TPCN1: variants seen among roughly 807,000 people sequenced by gnomAD.
TPCN1 encodes the protein two pore segment channel 1, also known as two pore channel protein 1.
Under a neutral mutation model 108.8 loss-of-function variants are expected in TPCN1, and 52 were observed. That is an observed-to-expected ratio of 0.48 (90% CI 0.38 to 0.60). TPCN1 has a LOEUF of 0.60. TPCN1 is among the 20% of genes least tolerant of loss of function. The probability of loss-of-function intolerance (pLI) is 0.00; values close to 1 mark genes in which losing one functional copy is unlikely to be tolerated. For synonymous variants in TPCN1, 446 were observed against 433.7 expected, an observed-to-expected ratio of 1.03 and a Z score of -0.35; for missense variants, 806 against 1,072.8, an observed-to-expected ratio of 0.75 and a Z score of 3.47.
Position 113,266,165 on chromosome 12 carries a change from C to T in TPCN1, c.238-15C>T. On this transcript the variant is annotated splice_polypyrimidine_tract_variant and intron_variant, in intron 3 of 27. Transcript: ENST00000335509. The surrounding 1 kb of genome is among the most constrained non-coding windows in gnomAD (Gnocchi z 4.2). Reference sequence around the variant, plus strand: ...TCTCCAGGCTTACATGCCCACACTACTCTCATCTTTTCAGGAAGGCGAGAA... The same window carrying T: ...TCTCCAGGCTTACATGCCCACACTATTCTCATCTTTTCAGGAAGGCGAGAA... 6.2e-7 allele frequency: 1 copy of T among 1,613,646 alleles called. No homozygotes were observed. The highest frequency in any genetic ancestry group is 2.2e-5 in the East Asian group (1 of 44,874).
At position 113,287,031 on chromosome 12, in the gene TPCN1, C is replaced by A. The variant is rs745551616; in HGVS notation, c.1571C>A (p.Ala524Glu). Residue 524 changes from alanine to glutamate, a missense_variant, in exon 19 of 28, where the codon GCG becomes GAG. By Grantham distance (107) the Ala-to-Glu change is moderately radical. Coordinates refer to ENST00000335509, the MANE Select transcript of TPCN1 (RefSeq NM_017901.6). ...GTGTTCGCCTTCCTGGGACTGCTGG[C>A]GCTGGCCCTCAACATGGAGCCCTTC... ...VTVFAFLGLL[A>E]LALNMEPFYF... The A allele has an allele frequency of 1.9e-6, 3 of 1,613,752 alleles. No individual in the cohort carries two copies. The African/African-American group carries it at 4.0e-5, about 22-fold the overall frequency.
At chr12:113,222,179 T>G (rs1953262701) in intron 1 of TPCN1, among the ~76,000 whole-genome samples, 1 of 152,306 alleles carries the variant, frequency 6.6e-6, no homozygotes, top group East Asian at 1.9e-4. Context: ...TCTCTGGGCC[T>G]CATTTTTGTC....
intron 2 of TPCN1, chr12:113,244,351 C>G: frequency 1.0e-6 from 1 of 985,472 alleles, no homozygotes; most frequent in Non-Finnish European, 1.2e-6. Context: ...CCAGTTCTTG[C>G]CTTTCTGAAG....
chr12:113,292,746 C>A, intron 25 of TPCN1, 188 bp from the exon 26 acceptor site: 1 of 634,186 alleles, frequency 1.6e-6, no homozygotes, highest in Non-Finnish European at 2.6e-6. Context: ...GACCTGCGCT[C>A]CTGACATCAC....
chr12:113,280,343 C>T, intron 15 of TPCN1, 148 bp downstream of exon 15: 2 of 580,104 alleles, frequency 3.4e-6, no homozygotes, highest in South Asian at 5.3e-5. Context: ...GTGAAGAGAA[C>T]ATTACCACAC....
chr12:113,283,299 C>T (rs868804386), intron 15 of TPCN1, among the ~76,000 whole-genome samples: 2 of 152,102 alleles, frequency 1.3e-5, no homozygotes, highest in African/African-American at 4.8e-5. Context: ...TTTTCTGCCA[C>T]CTGGCTTTTT....
chr12:113,247,619 G>A (rs761204711), intron 2 of TPCN1, among the ~76,000 whole-genome samples: 11 of 152,240 alleles, frequency 7.2e-5, no homozygotes, highest in Non-Finnish European at 1.2e-4. Context: ...CCGTGCCCTC[G>A]TCTTGGCTGG....
At chr12:113,245,189 A>G (rs1324066884) in intron 2 of TPCN1, among the ~76,000 whole-genome samples, 1 of 151,954 alleles carries the variant, frequency 6.6e-6, no homozygotes, top group Non-Finnish European at 1.5e-5. Flanking sequence ...GGATTGCTTG[A>G]ACCCAGGAGA....
chr12:113,277,567 A>G (rs61943633), intron 12 of TPCN1, among the ~76,000 whole-genome samples: 9,124 of 152,274 alleles, frequency 0.06, 367 homozygotes, highest in Middle Eastern at 0.071. Flanking sequence ...CACAAATCCA[A>G]TTCAAGCTGA....
Position 113,284,625 on chromosome 12 carries a change from T to C in TPCN1, c.1387T>C (p.Phe463Leu), listed in dbSNP as rs1956003993. ...CGGGGTCTGGATCCTCGTGGAGACA[T>C]TTATGCTGAAAGGTGAGCCCCGCTC... is the stretch of plus-strand genomic sequence containing the variant. ...VNGVWILVET[F>L]MLKGGNFFSK... The change falls in exon 16 of 28, where the codon TTT becomes CTT. Residue 463 changes from phenylalanine (F) to leucine (L), a missense_variant. Coordinates refer to ENST00000335509, the MANE Select transcript of TPCN1 (RefSeq NM_017901.6). This position sits in a 1 kb window ranked among gnomAD's most constrained non-coding sequence, Gnocchi z 4.1. The C allele has an allele frequency of 1.2e-6, 2 of 1,614,090 alleles. No homozygotes were observed. Among genetic ancestry groups the C allele is most frequent in the Non-Finnish European group, 1.7e-6 (2 of 1,180,050 alleles).
At chr12:113,290,859 A>T in intron 22 of TPCN1, 93 bp from the exon 23 acceptor site, 1 of 1,225,010 alleles carries the variant, frequency 8.2e-7, no homozygotes, top group Non-Finnish European at 1.2e-6. Context: ...TCATCTTAGC[A>T]CATGGCACCC....
chr12:113,295,837 G>A (rs1956407440), intron 27 of TPCN1, 123 bp from the exon 28 acceptor site: 1 of 1,114,932 alleles, frequency 9.0e-7, no homozygotes, highest in South Asian at 1.8e-5. Flanking sequence ...TTCAGTACCA[G>A]CTGGGTGAGG....
rs1385164683 is a variant in TPCN1, at chr12:113,273,542, A to T, written c.843-27A>T. ...GAGGATGGAGACAGGCAGATACAGCACGCCGGGTCACCCTCTGCAAATACA... is the reference window on the plus strand; with the variant it reads ...GAGGATGGAGACAGGCAGATACAGCTCGCCGGGTCACCCTCTGCAAATACA... On this transcript the variant is annotated intron_variant, in intron 9 of 27. Coordinates refer to ENST00000335509, the MANE Select transcript of TPCN1 (RefSeq NM_017901.6). This position sits in a 1 kb window ranked among gnomAD's most constrained non-coding sequence, Gnocchi z 4.0. 6.4e-7 allele frequency: 1 copy of T among 1,572,676 alleles called. No homozygotes were observed. The highest frequency in any genetic ancestry group is 1.7e-5 in the Admixed American group (1 of 59,978).
At chr12:113,280,260 G>A in intron 15 of TPCN1, 65 bp downstream of exon 15, 1 of 1,370,408 alleles carries the variant, frequency 7.3e-7, no homozygotes, top group Non-Finnish European at 1.0e-6. Context: ...TCTAGAAGCG[G>A]GAGAGGCAAG....
At chr12:113,262,578 A>G (rs1955082807) in intron 3 of TPCN1, among the ~76,000 whole-genome samples, 1 of 152,198 alleles carries the variant, frequency 6.6e-6, no homozygotes, top group Non-Finnish European at 1.5e-5. Flanking sequence ...GCGCAGGCAT[A>G]CTTGTTAATG....
Position 113,269,866 on chromosome 12 carries a change from C to T in TPCN1, c.748+21C>T. On this transcript the variant is annotated intron_variant, in intron 7 of 27. Coordinates refer to ENST00000335509, the MANE Select transcript of TPCN1 (RefSeq NM_017901.6). This position sits in a 1 kb window ranked among gnomAD's most constrained non-coding sequence, Gnocchi z 5.0. ...CCTCGGTGAGTTCCCGCCTCTCAGG[C>T]CCAGGTGCGCTGGAAAAGCAAGTTC... 1 of 1,611,778 alleles carries T rather than the reference C, an allele frequency of 6.2e-7. No individual in the cohort carries two copies.
At chr12:113,235,871 T>G (rs551356754) in intron 2 of TPCN1, among the ~76,000 whole-genome samples, 17 of 152,102 alleles carry the variant, frequency 1.1e-4, no homozygotes, top group Non-Finnish European at 2.1e-4. Flanking sequence ...TAAGCTTGAG[T>G]GTGCTGAGTG....
At position 113,272,569 on chromosome 12, in the gene TPCN1, A is replaced by G; in HGVS notation, c.749-89A>G. 1 of 1,212,946 alleles carries G rather than the reference A, an allele frequency of 8.2e-7. No homozygotes were observed. The highest frequency in any genetic ancestry group is 1.2e-6 in the Non-Finnish European group (1 of 814,396). The allele number at this position is 1,212,946 out of a possible 1,614,324, so 75.1% of individuals were successfully genotyped here. A position where few individuals can be genotyped will look rare whatever the true frequency, so the allele number is the denominator to read the frequency against. On this transcript the variant is annotated intron_variant, in intron 7 of 27. Coordinates refer to ENST00000335509, the MANE Select transcript of TPCN1 (RefSeq NM_017901.6). The surrounding 1 kb of genome is among the most constrained non-coding windows in gnomAD (Gnocchi z 4.1). ...CTGCTCTTCCTGACCTGCTGCGTTC[A>G]TTTGCATGTATTTGTCCAGTCCTTT...
rs766096215 is a variant in TPCN1 at position 113,293,294 on chromosome 12, G to A, written c.2279G>A (p.Arg760Gln). The A allele has an allele frequency of 2.0e-5, 33 of 1,613,976 alleles. No homozygotes were observed. Among genetic ancestry groups the A allele is most frequent in the South Asian group, 4.4e-5 (4 of 91,088 alleles). ...YQQHSMVFLG[R>Q]RSRTKSDLSL... ...CAACATTCCATGGTGTTTCTGGGAC[G>A]GCGATCAAGGACCAAGAGCGACCTG... Residue 760 changes from arginine (R) to glutamine (Q), a missense_variant, in exon 27 of 28, where the codon CGG becomes CAG. Transcript: ENST00000335509.
Sources: allele counts gnomAD v4.1 joint callset (sites outside exome capture counted in the v4.1 genomes callset), GRCh38; gene constraint gnomAD v4.1.1; non-coding constraint Gnocchi (gnomAD v3.1); transcripts MANE v1.5; gene names NCBI Gene and HGNC (gene_info 2026-07-23, HGNC 2026-07-21).